The following IQSEC1 variants were observed in gnomAD, a reference collection of about 807,000 sequenced individuals.
IQSEC1 encodes the protein IQ motif and SEC7 domain-containing protein 1.
A neutral mutation model predicts 91.0 loss-of-function variants in IQSEC1; 31 were observed. The observed-to-expected ratio is 0.34, with a 90% CI of 0.26 to 0.46. The LOEUF (loss-of-function observed/expected upper bound fraction) is 0.46. IQSEC1 is among the 20% of genes least tolerant of loss of function. IQSEC1 has a pLI of 1.00. For synonymous variants in IQSEC1, 699 were observed against 662.6 expected, an observed-to-expected ratio of 1.05 and a Z score of -0.84; for missense variants, 1,388 against 1,575.6, an observed-to-expected ratio of 0.88 and a Z score of 2.02.
chr3:13,261,493 C>A (rs1290929431), intron 1 of IQSEC1, among the ~76,000 whole-genome samples: 1 of 152,152 alleles, frequency 6.6e-6, no homozygotes, highest in Admixed American at 6.5e-5. Context: ...TCACACAAAT[C>A]CCATCTTAGA....
At chr3:12,942,571 C>T (rs928086557) in intron 1 of IQSEC1, among the ~76,000 whole-genome samples, 6 of 152,054 alleles carry the variant, frequency 3.9e-5, no homozygotes, top group Admixed American at 3.9e-4. Context: ...CCACTGCACT[C>T]CAGCCTGGGC....
At chr3:13,226,990 T>C (rs1694764226) in intron 1 of IQSEC1, among the ~76,000 whole-genome samples, 1 of 152,084 alleles carries the variant, frequency 6.6e-6, no homozygotes, top group Admixed American at 6.5e-5. Context: ...ACTCCTCGTT[T>C]GGGATCGTTT....
intron 2 of IQSEC1, among the ~76,000 whole-genome samples, chr3:13,138,369 G>A (rs1053973864): frequency 6.6e-6 from 1 of 151,928 alleles, no homozygotes; most frequent in African/African-American, 2.4e-5. Context: ...CCTCCCGAGA[G>A]GAGCGGCTGG....
At chr3:13,201,595 C>T (rs764078974) in intron 1 of IQSEC1, among the ~76,000 whole-genome samples, 24 of 152,294 alleles carry the variant, frequency 1.6e-4, no homozygotes, top group Non-Finnish European at 1.3e-4. Context: ...CCTCCTGCCT[C>T]GGCCACCCAA....
At chr3:13,230,392 G>C (rs565634977) in intron 1 of IQSEC1, among the ~76,000 whole-genome samples, 1 of 152,294 alleles carries the variant, frequency 6.6e-6, no homozygotes, top group Non-Finnish European at 1.5e-5. Flanking sequence ...AGCTTCCCCA[G>C]GTGTTTTTCT....
chr3:12,987,415 C>T (rs554375091), intron 1 of IQSEC1, among the ~76,000 whole-genome samples: 5 of 152,250 alleles, frequency 3.3e-5, no homozygotes, highest in East Asian at 1.9e-4. Context: ...CACCTGGGGC[C>T]GTGCATGTGC....
At chr3:13,273,290 C>T (rs1695618559) in intron 1 of IQSEC1, among the ~76,000 whole-genome samples, 1 of 152,158 alleles carries the variant, frequency 6.6e-6, no homozygotes, top group Non-Finnish European at 1.5e-5. Flanking sequence ...AAGTCCTGGC[C>T]AGCCCAAGGG....
chr3:12,958,122 A>G (rs1700028612), intron 1 of IQSEC1, among the ~76,000 whole-genome samples: 1 of 152,146 alleles, frequency 6.6e-6, no homozygotes, highest in Non-Finnish European at 1.5e-5. Context: ...CCACCACCCT[A>G]TCTAACCATC....
chr3:13,201,944 A>G (rs568103176), intron 1 of IQSEC1, among the ~76,000 whole-genome samples: 4 of 152,240 alleles, frequency 2.6e-5, no homozygotes, highest in Non-Finnish European at 4.4e-5. Flanking sequence ...TGGGAAAATA[A>G]TGTGGGGAAA....
chr3:13,264,556 A>G (rs1695450884), intron 1 of IQSEC1, among the ~76,000 whole-genome samples: 1 of 150,684 alleles, frequency 6.6e-6, no homozygotes, highest in Non-Finnish European at 1.5e-5. Context: ...CCCTCCCTCC[A>G]GCTCCCTCTC....
intron 2 of IQSEC1, among the ~76,000 whole-genome samples, chr3:13,116,311 C>T (rs1706334887): frequency 6.6e-6 from 1 of 152,198 alleles, no homozygotes; most frequent in African/African-American, 2.4e-5. Flanking sequence ...CTGATGTTCT[C>T]TGTCACAACT....
At chr3:13,095,643 C>T (rs1024422143) in intron 2 of IQSEC1, among the ~76,000 whole-genome samples, 11 of 152,014 alleles carry the variant, frequency 7.2e-5, no homozygotes, top group East Asian at 1.9e-4. Context: ...ACGCTGAGGA[C>T]GCAATCACCA....
In IQSEC1 at chr3:12,909,279, T is replaced by C. The variant is rs1695331006; in HGVS notation, c.2572A>G (p.Ile858Val). ...CATGAGGCCTGGTACTCACACTCTA[T>C]CCTGTGCTTCTCCATCTCTTGGACT... ...AEVQEMEKHR[I>V]ESELEKQKGV... The change falls in exon 11 of 14, where the codon ATA (isoleucine) becomes GTA (valine). Residue 858 changes from isoleucine to valine, a missense_variant. Ile to Val is a conservative substitution (Grantham distance 29). Coordinates refer to ENST00000613206, the MANE Select transcript of IQSEC1 (RefSeq NM_001134382.3). This position sits in a 1 kb window ranked among gnomAD's most constrained non-coding sequence, Gnocchi z 4.9. The C allele has an allele frequency of 1.2e-6, 2 of 1,614,032 alleles. No homozygotes were observed. Among genetic ancestry groups the C allele is most frequent in the Non-Finnish European group, 1.7e-6 (2 of 1,180,000 alleles).
At chr3:12,906,086 C>T (rs1280685951) in intron 12 of IQSEC1, among the ~76,000 whole-genome samples, 1 of 152,216 alleles carries the variant, frequency 6.6e-6, no homozygotes, top group Non-Finnish European at 1.5e-5. Flanking sequence ...TTCCTTCAGG[C>T]ACCATCTACG....
At chr3:13,243,172 C>T (rs781447905) in intron 1 of IQSEC1, among the ~76,000 whole-genome samples, 27 of 152,274 alleles carry the variant, frequency 1.8e-4, no homozygotes, top group Non-Finnish European at 3.2e-4. Flanking sequence ...GAATTTACAC[C>T]GTGCTTGGCC....
In IQSEC1 at chr3:12,987,112, C is replaced by T. The variant is rs770851195; in HGVS notation, c.24-45247G>A. 1.0e-5 allele frequency: 3 copies of T among 291,068 alleles called. No individual in the cohort carries two copies. In the East Asian group the frequency reaches 3.9e-4, roughly 38 times the overall value. The allele number at this position is 291,068 out of a possible 1,614,324, so 18.0% of individuals were successfully genotyped here. ...TGCTGCGGCCAGTGCGGGTCATAAA[C>T]CCTGAGCCCCTGCTTAATCCGCCAG... On this transcript the variant is annotated intron_variant, in intron 1 of 13. Transcript: ENST00000613206.
Position 12,967,598 on chromosome 3 carries a change from C to T in IQSEC1, c.24-25733G>A, listed in dbSNP as rs961967650. ...CACCCGCCACGCGATCACGTCGGGG[C>T]TCCTGGTCCAGCGTCCGCCGGCTCC... On this transcript the variant is annotated intron_variant, in intron 1 of 13. Coordinates refer to ENST00000613206, the MANE Select transcript of IQSEC1 (RefSeq NM_001134382.3). The surrounding 1 kb of genome is among the most constrained non-coding windows in gnomAD (Gnocchi z 5.9). The T allele has an allele frequency of 6.3e-6, 8 of 1,269,386 alleles. No homozygotes were observed. The East Asian group carries it at 2.6e-4, about 42-fold the overall frequency. The allele number at this position is 1,269,386 out of a possible 1,614,324, so 78.6% of individuals were successfully genotyped here.
rs1281801639 is a variant in IQSEC1 at position 13,227,880 on chromosome 3, A to G, written c.272+54831T>C. ...GAGCTGCAGGAGGCAGGCTAAGCCC[A>G]CACGGATGCCGAGGCCTGAGGCTGG... is the stretch of plus-strand genomic sequence containing the variant. On this transcript the variant is annotated intron_variant, in intron 1 of 15. Coordinates refer to the IQSEC1 transcript ENST00000648114. Among the ~76,000 whole-genome samples, 8 of 152,210 alleles carry G rather than the reference A, an allele frequency of 5.3e-5. 1 individual carries two copies.
Position 12,903,170 on chromosome 3 carries a change from G to T in IQSEC1, c.2756-348C>A, listed in dbSNP as rs182120190. Among the ~76,000 whole-genome samples the T allele has an allele frequency of 8.3e-4, 127 of 152,360 alleles. 1 individual carries two copies. Among genetic ancestry groups the T allele is most frequent in the Admixed American group, 1.6e-3 (25 of 15,308 alleles). On this transcript the variant is annotated intron_variant, in intron 12 of 13. Transcript: ENST00000613206. ...GGTGGGCCTGACGCCCCCAACTTGT[G>T]TGTTCACCCCTGACTCGGGTGAATG...
Sources: gnomAD v4.1 joint callset for allele counts (sites outside exome capture counted in the v4.1 genomes callset) on GRCh38, gnomAD v4.1.1 for gene constraint, Gnocchi (gnomAD v3.1) non-coding constraint, MANE v1.5 for transcripts, NCBI Gene and HGNC (gene_info 2026-07-23, HGNC 2026-07-21) for gene names.